The following STK3 variants were observed in gnomAD, a reference collection of about 807,000 sequenced individuals.
STK3 encodes the protein serine/threonine-protein kinase 3.
A neutral mutation model predicts 58.0 loss-of-function variants in STK3; 41 were observed. The ratio of observed to expected loss-of-function variants is 0.71; its 90% CI spans 0.55 to 0.92. STK3 has a LOEUF of 0.92. STK3 is among the 40% of genes least tolerant of loss of function. STK3 has a pLI of 0.00. For missense variants in STK3, 479 were observed against 602.7 expected (o/e 0.79, Z 2.15); for synonymous variants, 170 against 191.0 (o/e 0.89, Z 0.91).
intron 6 of STK3, among the ~76,000 whole-genome samples, chr8:98,639,799 C>A (rs1392512544): frequency 2.0e-5 from 3 of 152,038 alleles, no homozygotes; most frequent in African/African-American, 4.8e-5. Context: ...CAAAGACACG[C>A]CTTTGTTCAA....
rs541894024 is a variant in STK3, at chr8:98,687,152, A to G, written c.684+19315T>C. ...TCATCAGACCATCCAAGGTCACCCA[A>G]AAGAAAAAACCTTAAAGGCAGCTAG... is the stretch of plus-strand genomic sequence containing the variant. On this transcript the variant is annotated intron_variant, in intron 6 of 10. Transcript: ENST00000419617. 2.6e-5 allele frequency among the ~76,000 whole-genome samples: 4 copies of G among 152,310 alleles called. No individual in the cohort carries two copies. In the South Asian group the frequency reaches 8.3e-4, roughly 32 times the overall value.
At chr8:98,766,513 G>A (rs934412426) in intron 3 of STK3, among the ~76,000 whole-genome samples, 3 of 152,136 alleles carry the variant, frequency 2.0e-5, no homozygotes, top group African/African-American at 7.2e-5. Flanking sequence ...GAACTCCTGG[G>A]CTCAAACAAT....
At chr8:98,882,105 T>C (rs1330198368), downstream of STK3, 1 of 152,180 alleles carries the variant, frequency 6.6e-6, no homozygotes, top group Non-Finnish European at 1.5e-5. Context: ...TGTAATAATA[T>C]ACAGCAAGTC....
intron 6 of STK3, among the ~76,000 whole-genome samples, chr8:98,703,129 T>C (rs1383541265): frequency 6.6e-6 from 1 of 152,176 alleles, no homozygotes; most frequent in Non-Finnish European, 1.5e-5. Context: ...ACTTAGAGGG[T>C]TCAGATTTTA....
At chr8:98,729,174 G>A (rs997053405) in intron 4 of STK3, among the ~76,000 whole-genome samples, 9 of 152,164 alleles carry the variant, frequency 5.9e-5, no homozygotes, top group Non-Finnish European at 1.3e-4. Context: ...GCAGTGGCGA[G>A]ATCTAGGCTC....
chr8:98,784,843 C>A (rs1427072027), intron 1 of STK3, among the ~76,000 whole-genome samples: 1 of 152,204 alleles, frequency 6.6e-6, no homozygotes, highest in African/African-American at 2.4e-5. Flanking sequence ...GGGGCCCTCT[C>A]TGCTCCATGC....
chr8:98,727,325 G>T (rs1319914206), intron 4 of STK3, among the ~76,000 whole-genome samples: 5 of 152,212 alleles, frequency 3.3e-5, no homozygotes, highest in Admixed American at 3.3e-4. Flanking sequence ...AAGAGCTTGT[G>T]TGAGTGAGGC....
At chr8:98,402,583 G>T (rs1386304658) in intron 3 of STK3, among the ~76,000 whole-genome samples, 4 of 152,190 alleles carry the variant, frequency 2.6e-5, no homozygotes, top group Admixed American at 1.3e-4. Flanking sequence ...GACGGAGGGG[G>T]CCCTGCTGTC....
At chr8:98,813,564 G>A (rs1449525794) in intron 1 of STK3, among the ~76,000 whole-genome samples, 1 of 152,116 alleles carries the variant, frequency 6.6e-6, no homozygotes, top group Non-Finnish European at 1.5e-5. Flanking sequence ...TTGCCCAAAA[G>A]TACTCTAAAA....
intron 8 of STK3, among the ~76,000 whole-genome samples, chr8:98,550,344 G>C (rs927155193): frequency 1.3e-5 from 2 of 152,106 alleles, no homozygotes; most frequent in Non-Finnish European, 2.9e-5. Flanking sequence ...ATAAGTTGAG[G>C]AGTCTCAAAT....
chr8:98,713,284 C>G (rs930866254), intron 4 of STK3, among the ~76,000 whole-genome samples: 2 of 152,054 alleles, frequency 1.3e-5, no homozygotes, highest in African/African-American at 2.4e-5. Flanking sequence ...TAACTAAGAT[C>G]AGAGCAGAAC....
downstream of STK3, among the ~76,000 whole-genome samples, chr8:98,368,298 T>C (rs1357209917): frequency 1.3e-5 from 2 of 152,168 alleles, no homozygotes; most frequent in Non-Finnish European, 2.9e-5. Flanking sequence ...GAAACTGACT[T>C]ACTTGGAAAG....
chr8:98,905,769 A>C (rs187102787), intron 1 of STK3: 181 of 439,900 alleles, frequency 4.1e-4, no homozygotes, highest in African/African-American at 3.2e-3. Context: ...ACTTCAGCCG[A>C]ATTAAATTTA....
chr8:98,359,458 G>T, the STK3 span, among the ~76,000 whole-genome samples: 8 of 150,500 alleles, frequency 5.3e-5, no homozygotes, highest in East Asian at 1.6e-3. Context: ...GGGAGGCGGA[G>T]GTTGCAGTGA....
At chr8:98,417,311 G>C (rs986992494) in intron 3 of STK3, among the ~76,000 whole-genome samples, 2 of 152,116 alleles carry the variant, frequency 1.3e-5, no homozygotes, top group African/African-American at 4.8e-5. Context: ...TCAGGAGTTT[G>C]AGACCAGCCT....
chr8:98,738,516 TAA>T (rs1828828812), intron 4 of STK3, among the ~76,000 whole-genome samples: 1 of 151,890 alleles, frequency 6.6e-6, no homozygotes, highest in Non-Finnish European at 1.5e-5. Context: ...ATAAAACTTA[TAA>T]GAGAGATCAA....
At chr8:98,697,475 G>A (rs1160247770) in intron 6 of STK3, among the ~76,000 whole-genome samples, 1 of 152,160 alleles carries the variant, frequency 6.6e-6, no homozygotes, top group Non-Finnish European at 1.5e-5. Flanking sequence ...GATCTTTCCT[G>A]CTTTCTCTTG....
At chr8:98,376,723 C>T (rs867409077) in intron 2 of STK3, among the ~76,000 whole-genome samples, 2 of 152,128 alleles carry the variant, frequency 1.3e-5, no homozygotes, top group Admixed American at 6.5e-5. Flanking sequence ...CAATGGAAAA[C>T]GTATGTTTAT....
At position 98,933,388 on chromosome 8, in the gene STK3, C is replaced by T. The variant is rs11774648; in HGVS notation, c.-79+8990G>A. 3.1e-3 allele frequency among the ~76,000 whole-genome samples: 475 copies of T among 152,238 alleles called. 5 individuals carry two copies. The highest frequency in any genetic ancestry group is 5.6e-3 in the Non-Finnish European group (380 of 68,020). On this transcript the variant is annotated intron_variant, in intron 1 of 1. Coordinates refer to the STK3 transcript ENST00000519420. ...ACTGGCATAAACAAGGCATAGCTTA[C>T]AGATGTGTGTAAATCTGCACAAATT...
Sources: allele counts gnomAD v4.1 joint callset (sites outside exome capture counted in the v4.1 genomes callset), GRCh38; gene constraint gnomAD v4.1.1; transcripts MANE v1.5; gene names NCBI Gene and HGNC (gene_info 2026-07-23, HGNC 2026-07-21).